The following SCN9A variants were observed in gnomAD, a reference collection of about 807,000 sequenced individuals.
The protein encoded by SCN9A is sodium channel protein type 9 subunit alpha.
A neutral mutation model predicts 187.0 loss-of-function variants in SCN9A; 131 were observed. That is an observed-to-expected ratio of 0.70 (90% CI 0.61 to 0.81). The LOEUF is 0.81. SCN9A is among the 30% of genes least tolerant of loss of function. The pLI, the probability that SCN9A is intolerant of heterozygous loss-of-function variation, is 0.00. For synonymous variants in SCN9A, 809 were observed against 808.6 expected (o/e 1.00, Z -0.01); for missense variants, 2,252 against 2,396.6 (o/e 0.94, Z 1.26).
chr2:166,309,476 C>T (rs1313635796), intron 2 of SCN9A, among the ~76,000 whole-genome samples: 1 of 152,062 alleles, frequency 6.6e-6, no homozygotes, highest in Non-Finnish European at 1.5e-5. Context: ...CTATGTTATA[C>T]TAAACATTAT....
chr2:166,319,049 C>G (rs552847137), intron 1 of SCN9A, among the ~76,000 whole-genome samples: 52 of 152,090 alleles, frequency 3.4e-4, no homozygotes, highest in African/African-American at 1.3e-3. Flanking sequence ...AAGTTCCATT[C>G]TTGTGAAAGT....
chr2:166,221,735 C>T (rs1694594570), intron 24 of SCN9A, among the ~76,000 whole-genome samples: 1 of 152,028 alleles, frequency 6.6e-6, no homozygotes, highest in South Asian at 2.1e-4. Context: ...AACAAAGCTA[C>T]AACAATTAAA....
At chr2:166,310,636 A>G (rs1698911342) in intron 2 of SCN9A, among the ~76,000 whole-genome samples, 1 of 135,188 alleles carries the variant, frequency 7.4e-6, no homozygotes, top group African/African-American at 3.0e-5. Context: ...AAATAGGAAC[A>G]CTTTTACACT....
chr2:166,329,176 G>T (rs1380471032), intron 1 of SCN9A, among the ~76,000 whole-genome samples: 3 of 151,938 alleles, frequency 2.0e-5, no homozygotes, highest in African/African-American at 4.8e-5. Flanking sequence ...TAACTTGCTA[G>T]CACAATTAAC....
intron 1 of SCN9A, among the ~76,000 whole-genome samples, chr2:166,373,359 G>A (rs1273436474): frequency 6.6e-6 from 1 of 151,014 alleles, no homozygotes; most frequent in Admixed American, 6.6e-5. Context: ...TTTGTTAGGG[G>A]AGACAGGATG....
intron 1 of SCN9A, among the ~76,000 whole-genome samples, chr2:166,368,588 G>A (rs576629767): frequency 3.8e-4 from 58 of 150,772 alleles, no homozygotes; most frequent in African/African-American, 1.3e-3. Context: ...AGCCAACATC[G>A]TACCACTGCA....
At chr2:166,322,040 A>G (rs1339702273) in intron 1 of SCN9A, among the ~76,000 whole-genome samples, 1 of 152,232 alleles carries the variant, frequency 6.6e-6, no homozygotes, top group Non-Finnish European at 1.5e-5. Flanking sequence ...CTGATCTTCC[A>G]ACTTTCAGGA....
chr2:166,321,728 C>T (rs573832648), intron 1 of SCN9A, among the ~76,000 whole-genome samples: 6 of 150,948 alleles, frequency 4.0e-5, no homozygotes, highest in Non-Finnish European at 8.8e-5. Context: ...CTTTTTAATT[C>T]TCAACATTTT....
chr2:166,210,494 TA>T, intron 24 of SCN9A, among the ~76,000 whole-genome samples: 1 of 67,498 alleles, frequency 1.5e-5, no homozygotes, highest in South Asian at 4.3e-4. Context: ...AAAATAAAAT[TA>T]AAAAACCCTC....
intron 20 of SCN9A, among the ~76,000 whole-genome samples, chr2:166,233,956 A>G (rs1291607070): frequency 1.3e-5 from 2 of 152,188 alleles, no homozygotes; most frequent in Non-Finnish European, 2.9e-5. Flanking sequence ...ATTCTCAACA[A>G]GATTGCTTCT....
chr2:166,323,603 AG>A (rs1274207336), intron 1 of SCN9A, among the ~76,000 whole-genome samples: 1 of 152,138 alleles, frequency 6.6e-6, no homozygotes, highest in Admixed American at 6.5e-5. Context: ...AGACTGGAAA[AG>A]GTCTCAGTGG....
chr2:166,267,985 TCTTTCA>T (rs1256419161), intron 17 of SCN9A, among the ~76,000 whole-genome samples: 1 of 151,980 alleles, frequency 6.6e-6, no homozygotes, highest in East Asian at 1.9e-4. Flanking sequence ...CCCAAGTATG[TCTTTCA>T]CACACTAAAA....
chr2:166,281,904 A>T (rs1383673404), intron 12 of SCN9A, 96 bp from the exon 13 acceptor site: 2 of 1,130,378 alleles, frequency 1.8e-6, no homozygotes, highest in Non-Finnish European at 2.5e-6. Context: ...TGAGTAATTA[A>T]AAGTAGAGCC....
At chr2:166,223,871 G>A (rs1489964229) in intron 24 of SCN9A, among the ~76,000 whole-genome samples, 1 of 152,112 alleles carries the variant, frequency 6.6e-6, no homozygotes, top group Non-Finnish European at 1.5e-5. Context: ...TAATTGAAGT[G>A]TTGGTCATGT....
At position 166,329,511 on chromosome 2, in the gene SCN9A, A is replaced by G. The variant is rs528872305; in HGVS notation, c.-50-17705T>C. Among the ~76,000 whole-genome samples, 14 of 152,192 alleles carry G rather than the reference A, an allele frequency of 9.2e-5. No individual in the cohort carries two copies. The South Asian group carries it at 2.9e-3, about 32-fold the overall frequency. ...AAAAAAAAGGTTACCATAGTAAAGGAAATTAACATATCTACCATCTCTAGT... is the reference window on the plus strand; with the variant it reads ...AAAAAAAAGGTTACCATAGTAAAGGGAATTAACATATCTACCATCTCTAGT... On this transcript the variant is annotated intron_variant, in intron 1 of 26. Coordinates refer to ENST00000642356, the MANE Select transcript of SCN9A (RefSeq NM_001365536.1).
intron 23 of SCN9A, 83 bp downstream of exon 23, chr2:166,227,587 A>G (rs1452708456): frequency 4.9e-6 from 4 of 822,456 alleles, no homozygotes; most frequent in Non-Finnish European, 8.3e-6. Context: ...CAAGGGCTTC[A>G]TGAAGTTATA....
At chr2:166,293,948 C>A (rs1049020546) in intron 8 of SCN9A, among the ~76,000 whole-genome samples, 1 of 152,100 alleles carries the variant, frequency 6.6e-6, no homozygotes, top group Non-Finnish European at 1.5e-5. Flanking sequence ...TTCTGAGATT[C>A]TTCTGGGAAC....
At chr2:166,350,337 T>C (rs965896968) in intron 1 of SCN9A, among the ~76,000 whole-genome samples, 4 of 152,236 alleles carry the variant, frequency 2.6e-5, no homozygotes, top group African/African-American at 9.6e-5. Flanking sequence ...GCTTTCTCTT[T>C]GTGTGTAATG....
intron 1 of SCN9A, among the ~76,000 whole-genome samples, chr2:166,340,485 CT>C (rs200296022): frequency 1.1e-4 from 17 of 150,708 alleles, no homozygotes; most frequent in African/African-American, 1.7e-4. Flanking sequence ...CTTTCTCTTT[CT>C]TTTTTTCTTT....
Sources: gnomAD v4.1 joint callset for allele counts (sites outside exome capture counted in the v4.1 genomes callset) on GRCh38, gnomAD v4.1.1 for gene constraint, MANE v1.5 for transcripts, NCBI Gene and HGNC (gene_info 2026-07-23, HGNC 2026-07-21) for gene names.